ARMC8: variants seen among roughly 807,000 people sequenced by gnomAD.
ARMC8 encodes the protein armadillo repeat containing 8, also known as armadillo repeat-containing protein 8.
ARMC8 carries 20 observed loss-of-function variants against 99.3 expected under a neutral mutation model. The observed-to-expected ratio is 0.20, with a 90% CI of 0.14 to 0.29. The LOEUF (loss-of-function observed/expected upper bound fraction) is 0.29, where lower values mean the gene tolerates loss of function less well. ARMC8 is among the 10% of genes least tolerant of loss of function. ARMC8 has a pLI of 1.00. For missense variants in ARMC8, 569 were observed against 809.5 expected (o/e 0.70, Z 3.60); for synonymous variants, 263 against 278.3 (o/e 0.95, Z 0.55).
chr3:138,280,360 C>T (rs773102217), intron 18 of ARMC8, among the ~76,000 whole-genome samples: 67 of 152,050 alleles, frequency 4.4e-4, no homozygotes, highest in Non-Finnish European at 7.2e-4. Context: ...CTCTGTTGCC[C>T]AGGCTGGAGT....
At chr3:138,215,177 A>G (rs2044941158) in intron 2 of ARMC8, among the ~76,000 whole-genome samples, 1 of 152,094 alleles carries the variant, frequency 6.6e-6, no homozygotes, top group Admixed American at 6.6e-5. Flanking sequence ...AACTTTGAAC[A>G]TCAAGACTAT....
chr3:138,218,025 G>A (rs1460973447), intron 2 of ARMC8, among the ~76,000 whole-genome samples: 2 of 152,174 alleles, frequency 1.3e-5, no homozygotes, highest in Non-Finnish European at 2.9e-5. Context: ...GATTGATTAA[G>A]TCCTTCAACA....
intron 12 of ARMC8, among the ~76,000 whole-genome samples, chr3:138,255,244 C>G (rs1473029485): frequency 5.4e-5 from 8 of 148,262 alleles, no homozygotes; most frequent in African/African-American, 1.7e-4. Flanking sequence ...GCTCTGTTGC[C>G]CAGGCTGGAG....
chr3:138,238,375 T>A (rs1464699551), intron 9 of ARMC8: 1 of 152,316 alleles, frequency 6.6e-6, no homozygotes, highest in African/African-American at 2.4e-5. Context: ...GCAGAGTTTT[T>A]ATTAGCACAA....
At chr3:138,246,509 A>C in intron 12 of ARMC8, 1 of 985,718 alleles carries the variant, frequency 1.0e-6, no homozygotes, top group Non-Finnish European at 1.2e-6. Context: ...ATTTTTAAAA[A>C]ATTGGACTGT....
intron 10 of ARMC8, among the ~76,000 whole-genome samples, chr3:138,240,383 A>G (rs1269442998): frequency 1.3e-5 from 2 of 152,194 alleles, no homozygotes; most frequent in Non-Finnish European, 2.9e-5. Flanking sequence ...TGAGATCTGA[A>G]CACTCCCTAA....
chr3:138,265,122 C>A (rs2048153530), intron 14 of ARMC8, among the ~76,000 whole-genome samples: 1 of 152,008 alleles, frequency 6.6e-6, no homozygotes, highest in Non-Finnish European at 1.5e-5. Context: ...GTTTTAAACT[C>A]CTGAGCTCAA....
In ARMC8 at chr3:138,255,191, GT is replaced by G. The variant is rs1285732985; in HGVS notation, c.1135-8534del. On this transcript the variant is annotated intron_variant, in intron 12 of 21. Coordinates refer to ENST00000469044, the MANE Select transcript of ARMC8 (RefSeq NM_001363941.2). Reference sequence around the variant, plus strand: ...TGCCTCCCAAACATTGTTCTGTTCTGTTTTTTTTTTTTTTGTTTTTTTTTTT... The same window carrying G: ...TGCCTCCCAAACATTGTTCTGTTCTGTTTTTTTTTTTTTGTTTTTTTTTTT... Among the ~76,000 whole-genome samples the G allele has an allele frequency of 4.7e-3, 587 of 125,868 alleles. 2 individuals are homozygous for G. Among genetic ancestry groups the G allele is most frequent in the African/African-American group, 0.013 (450 of 34,376 alleles). 82.6% of individuals were successfully genotyped at this position (125,868 alleles called of 152,430 possible). A position where few individuals can be genotyped will look rare whatever the true frequency, so the allele number is the denominator to read the frequency against.
At chr3:138,239,279 T>G in intron 9 of ARMC8, 189 bp from the exon 10 acceptor site, 1 of 517,934 alleles carries the variant, frequency 1.9e-6, no homozygotes, top group Non-Finnish European at 3.4e-6. Flanking sequence ...CCATCTGTAT[T>G]TGTCAGTTAG....
At chr3:138,273,322 C>T (rs544534667) in intron 17 of ARMC8, among the ~76,000 whole-genome samples, 54 of 152,312 alleles carry the variant, frequency 3.5e-4, no homozygotes, top group African/African-American at 1.2e-3. Flanking sequence ...CCCTATTCTC[C>T]ACTCCTACAC....
chr3:138,282,635 C>CAA (rs760470914), intron 18 of ARMC8, among the ~76,000 whole-genome samples: 115 of 47,410 alleles, frequency 2.4e-3, no homozygotes, highest in African/African-American at 6.9e-3. Context: ...GACTCCATCT[C>CAA]AAAAAAAAAA....
chr3:138,235,214 A>G, intron 7 of ARMC8, 100 bp downstream of exon 7: 1 of 860,040 alleles, frequency 1.2e-6, no homozygotes, highest in Non-Finnish European at 1.8e-6. Flanking sequence ...TTGTGATCAA[A>G]AGTAGTATTT....
At position 138,245,070 on chromosome 3, in the gene ARMC8, T is replaced by C; in HGVS notation, c.1039-18T>C. The C allele has an allele frequency of 2.5e-6, 4 of 1,613,050 alleles. No homozygotes were observed. Among genetic ancestry groups the C allele is most frequent in the African/African-American group, 1.3e-5 (1 of 75,024 alleles). On this transcript the variant is annotated intron_variant, in intron 11 of 21. Transcript: ENST00000469044. ...AATTTATGGACTGAGTTGGAACATA[T>C]CCTTTTTTTCCCCATAGCTTGATCA...
At chr3:138,234,427 A>C (rs1277947572) in intron 6 of ARMC8, among the ~76,000 whole-genome samples, 1 of 152,180 alleles carries the variant, frequency 6.6e-6, no homozygotes, top group East Asian at 1.9e-4. Flanking sequence ...TACTTTTAAA[A>C]AGAAAAATGA....
At chr3:138,245,429 T>G (rs2046838237) in intron 12 of ARMC8, 6 of 1,379,222 alleles carry the variant, frequency 4.4e-6, no homozygotes, top group Non-Finnish European at 5.6e-6. Flanking sequence ...TTTTGTGTCA[T>G]TAATATGAAT....
chr3:138,234,030 T>C (rs990689960), intron 6 of ARMC8, among the ~76,000 whole-genome samples: 2 of 151,986 alleles, frequency 1.3e-5, no homozygotes, highest in African/African-American at 4.8e-5. Flanking sequence ...GAAAACAGAA[T>C]TGATGAAAAA....
intron 18 of ARMC8, among the ~76,000 whole-genome samples, chr3:138,281,318 G>A (rs2049900869): frequency 6.7e-6 from 1 of 150,182 alleles, no homozygotes. Context: ...TTTTGATAGA[G>A]AGTCTCACTC....
chr3:138,245,958 C>CT, intron 12 of ARMC8: 6 of 985,348 alleles, frequency 6.1e-6, no homozygotes, highest in Non-Finnish European at 6.0e-6. Flanking sequence ...CATGTTCTGT[C>CT]TTGAGGAGCC....
chr3:138,235,445 A>G (rs981497343), intron 7 of ARMC8, among the ~76,000 whole-genome samples: 1 of 152,254 alleles, frequency 6.6e-6, no homozygotes, highest in African/African-American at 2.4e-5. Context: ...ACAGAATTTC[A>G]TATTTGAGAC....
Sources: gnomAD v4.1 joint callset for allele counts (sites outside exome capture counted in the v4.1 genomes callset) on GRCh38, gnomAD v4.1.1 for gene constraint, MANE v1.5 for transcripts, NCBI Gene and HGNC (gene_info 2026-07-23, HGNC 2026-07-21) for gene names.